The following TAFA4 variants were observed in gnomAD, a reference collection of about 807,000 sequenced individuals.
TAFA4 encodes chemokine-like protein TAFA-4.
Under a neutral mutation model 21.1 loss-of-function variants are expected in TAFA4, and 20 were observed. That is an observed-to-expected ratio of 0.95 (90% CI 0.67 to 1.38). The LOEUF (loss-of-function observed/expected upper bound fraction) is 1.38. Among genes scored for constraint, TAFA4 ranks in the 40% most tolerant of loss-of-function variants. TAFA4 has a pLI of 0.00. For missense variants in TAFA4, 211 were observed against 180.9 expected, an observed-to-expected ratio of 1.17 and a Z score of -0.95; for synonymous variants, 71 against 67.4, an observed-to-expected ratio of 1.05 and a Z score of -0.26.
intron 3 of TAFA4, 90 bp downstream of exon 3, chr3:68,880,640 C>T: frequency 9.7e-7 from 1 of 1,033,682 alleles, no homozygotes; most frequent in South Asian, 1.4e-5. Context: ...ATCAGAAGCT[C>T]ACATCAGTTA....
chr3:68,854,584 A>G (rs1304332971), intron 3 of TAFA4, among the ~76,000 whole-genome samples: 1 of 152,140 alleles, frequency 6.6e-6, no homozygotes, highest in East Asian at 1.9e-4. Flanking sequence ...CCACAGAATA[A>G]AGAACAAATA....
At chr3:68,830,019 G>T (rs1171692194) in intron 3 of TAFA4, among the ~76,000 whole-genome samples, 1 of 152,110 alleles carries the variant, frequency 6.6e-6, no homozygotes, top group Non-Finnish European at 1.5e-5. Flanking sequence ...TGTTTCTGTG[G>T]TATCAGTGGT....
intron 4 of TAFA4, among the ~76,000 whole-genome samples, chr3:68,741,129 G>T (rs1481494307): frequency 1.3e-5 from 2 of 152,122 alleles, no homozygotes; most frequent in African/African-American, 4.8e-5. Context: ...GCTATTTGGG[G>T]TCTTTTGTGG....
In TAFA4 at chr3:68,801,943, A is replaced by ATT. The variant is rs5849864; in HGVS notation, c.131-48927_131-48926dup. 3.3e-5 allele frequency among the ~76,000 whole-genome samples: 5 copies of ATT among 151,418 alleles called. No homozygotes were observed. In the South Asian group the frequency reaches 6.3e-4, roughly 19 times the overall value. On this transcript the variant is annotated intron_variant, in intron 3 of 5. Coordinates refer to ENST00000295569, the MANE Select transcript of TAFA4 (RefSeq NM_182522.5). ...AAATAATTTACACAAAATTCGATGT[A>ATT]TTTTTTTTTCCAGAATCCAGCAATC...
intron 3 of TAFA4, among the ~76,000 whole-genome samples, chr3:68,800,195 C>G (rs1330876384): frequency 2.6e-5 from 4 of 152,120 alleles, no homozygotes; most frequent in Admixed American, 1.3e-4. Flanking sequence ...CCAAAACCAT[C>G]CTTCCATTCC....
At chr3:68,755,707 C>A (rs1702648314) in intron 3 of TAFA4, among the ~76,000 whole-genome samples, 1 of 152,222 alleles carries the variant, frequency 6.6e-6, no homozygotes, top group Non-Finnish European at 1.5e-5. Context: ...CTGGCATGAG[C>A]AGCCCTACAG....
chr3:68,896,565 G>C (rs2089791046), intron 1 of TAFA4, among the ~76,000 whole-genome samples: 1 of 152,242 alleles, frequency 6.6e-6, no homozygotes, highest in South Asian at 2.1e-4. Flanking sequence ...CTCTAGAGCT[G>C]ATGTCTGTCT....
chr3:68,736,495 G>T (rs1036134658), intron 5 of TAFA4, among the ~76,000 whole-genome samples: 2 of 151,986 alleles, frequency 1.3e-5, no homozygotes, highest in African/African-American at 4.8e-5. Context: ...GCATTTAAAT[G>T]GAAAATAAAA....
intron 3 of TAFA4, among the ~76,000 whole-genome samples, chr3:68,867,417 C>A (rs2089433848): frequency 6.6e-6 from 1 of 152,042 alleles, no homozygotes; most frequent in Admixed American, 6.6e-5. Flanking sequence ...ACTTGTCTTA[C>A]AAGAAATGCT....
intron 2 of TAFA4, among the ~76,000 whole-genome samples, chr3:68,884,338 G>T (rs554800170): frequency 6.6e-6 from 1 of 152,126 alleles, no homozygotes; most frequent in Admixed American, 6.5e-5. Context: ...ATTTCTCCCC[G>T]CCTTCTCTGT....
intron 1 of TAFA4, among the ~76,000 whole-genome samples, chr3:68,924,472 T>C (rs898318452): frequency 6.6e-6 from 1 of 152,102 alleles, no homozygotes; most frequent in Non-Finnish European, 1.5e-5. Context: ...TGTCAGGAAC[T>C]AGAAGGGGGA....
chr3:68,833,741 T>C (rs927812325), intron 3 of TAFA4, among the ~76,000 whole-genome samples: 1 of 152,154 alleles, frequency 6.6e-6, no homozygotes, highest in Non-Finnish European at 1.5e-5. Context: ...ACAAACACTT[T>C]CATGGATAAG....
At chr3:68,873,378 C>CACACA (rs1296269026) in intron 3 of TAFA4, among the ~76,000 whole-genome samples, 1 of 71,898 alleles carries the variant, frequency 1.4e-5, no homozygotes, top group Non-Finnish European at 3.2e-5. Flanking sequence ...ACACACACAC[C>CACACA]CTGGGCCAGA....
intron 3 of TAFA4, among the ~76,000 whole-genome samples, chr3:68,867,776 T>A (rs2089436655): frequency 6.6e-6 from 1 of 152,100 alleles, no homozygotes; most frequent in Admixed American, 6.6e-5. Context: ...TAAAATAACT[T>A]GTTATATCTA....
intron 3 of TAFA4, among the ~76,000 whole-genome samples, chr3:68,838,815 TG>T (rs2106890030): frequency 6.6e-6 from 1 of 152,202 alleles, no homozygotes; most frequent in East Asian, 2.0e-4. Flanking sequence ...AGTCCCTGCC[TG>T]CCAGGCGCAG....
intron 3 of TAFA4, among the ~76,000 whole-genome samples, chr3:68,835,776 T>G (rs1704510895): frequency 2.0e-5 from 3 of 152,194 alleles, no homozygotes; most frequent in Admixed American, 2.0e-4. Flanking sequence ...AAATGAGTCT[T>G]TGTGTAGCTG....
At chr3:68,918,790 T>C (rs571596068) in intron 1 of TAFA4, among the ~76,000 whole-genome samples, 2 of 152,296 alleles carry the variant, frequency 1.3e-5, no homozygotes, top group East Asian at 3.9e-4. Flanking sequence ...ATCTGCCCAC[T>C]TTGGCCTCCC....
At chr3:68,812,110 A>T (rs1156473676) in intron 3 of TAFA4, among the ~76,000 whole-genome samples, 1 of 152,230 alleles carries the variant, frequency 6.6e-6, no homozygotes, top group African/African-American at 2.4e-5. Flanking sequence ...AATCCTTTAC[A>T]GATAAGCAAA....
intron 3 of TAFA4, among the ~76,000 whole-genome samples, chr3:68,832,662 G>C (rs1257022882): frequency 6.6e-6 from 1 of 152,254 alleles, no homozygotes; most frequent in Non-Finnish European, 1.5e-5. Flanking sequence ...TGAGGAGGCA[G>C]TCTGTCCATT....
Sources: gnomAD v4.1 joint callset for allele counts (sites outside exome capture counted in the v4.1 genomes callset) on GRCh38, gnomAD v4.1.1 for gene constraint, MANE v1.5 for transcripts, NCBI Gene and HGNC (gene_info 2026-07-23, HGNC 2026-07-21) for gene names.